AOPEP: variants seen among roughly 807,000 people sequenced by gnomAD.
AOPEP encodes aminopeptidase O (putative).
AOPEP carries 77 observed loss-of-function variants against 98.1 expected under a neutral mutation model. The observed-to-expected ratio is 0.78, with a 90% confidence interval of 0.65 to 0.95. The LOEUF (loss-of-function observed/expected upper bound fraction) is 0.95, where lower values mean the gene tolerates loss of function less well. AOPEP is among the 40% of genes least tolerant of loss of function. AOPEP has a pLI of 0.00. For missense variants in AOPEP, 1,024 were observed against 1,024.7 expected (o/e 1.00, Z 0.01); for synonymous variants, 346 against 365.3 (o/e 0.95, Z 0.60).
intron 5 of AOPEP, among the ~76,000 whole-genome samples, chr9:94,827,625 C>T (rs1475186681): frequency 2.0e-5 from 3 of 152,030 alleles, no homozygotes; most frequent in African/African-American, 7.3e-5. Context: ...AGGCTCCTAC[C>T]GCATGTTTTC....
chr9:94,796,643 A>G (rs555402424), intron 4 of AOPEP, among the ~76,000 whole-genome samples: 6 of 152,362 alleles, frequency 3.9e-5, no homozygotes, highest in African/African-American at 1.4e-4. Context: ...AAATTTGGCC[A>G]AAGTGTTGGT....
intron 5 of AOPEP, among the ~76,000 whole-genome samples, chr9:94,814,673 C>G (rs1473978456): frequency 3.9e-5 from 6 of 152,184 alleles, no homozygotes; most frequent in Admixed American, 3.9e-4. Context: ...AGGATTAGTC[C>G]TCTCAAGAGC....
chr9:94,861,179 C>T (rs1294814867), intron 5 of AOPEP, among the ~76,000 whole-genome samples: 1 of 152,086 alleles, frequency 6.6e-6, no homozygotes, highest in African/African-American at 2.4e-5. Flanking sequence ...CTGGCCAAGG[C>T]AAATTGTGGC....
At chr9:94,927,129 G>A (rs920266597) in intron 6 of AOPEP, among the ~76,000 whole-genome samples, 2 of 152,146 alleles carry the variant, frequency 1.3e-5, no homozygotes, top group African/African-American at 2.4e-5. Context: ...GCCACGAGCT[G>A]CTTTTTCTCT....
chr9:95,057,274 C>T (rs2066906946), intron 13 of AOPEP, among the ~76,000 whole-genome samples: 1 of 152,242 alleles, frequency 6.6e-6, no homozygotes, highest in South Asian at 2.1e-4. Context: ...GTCTTAAATT[C>T]AGCTGATCTT....
chr9:94,771,903 T>G (rs1194081520), intron 2 of AOPEP, among the ~76,000 whole-genome samples: 1 of 152,152 alleles, frequency 6.6e-6, no homozygotes, highest in Non-Finnish European at 1.5e-5. Flanking sequence ...CTTCTATCAT[T>G]TAAACTCATT....
the AOPEP span, among the ~76,000 whole-genome samples, chr9:95,098,539 G>A: frequency 2.0e-4 from 30 of 152,232 alleles, no homozygotes; most frequent in East Asian, 4.7e-3. Flanking sequence ...TCCCATAGCC[G>A]GAAGCATGGG....
chr9:94,830,324 A>G (rs140568726), intron 5 of AOPEP, among the ~76,000 whole-genome samples: 1,663 of 152,330 alleles, frequency 0.011, 34 homozygotes, highest in African/African-American at 0.038. Flanking sequence ...TGGTTTGCTG[A>G]TGATAATGGC....
At chr9:94,761,150 A>G (rs1838193233) in intron 2 of AOPEP, among the ~76,000 whole-genome samples, 1 of 152,188 alleles carries the variant, frequency 6.6e-6, no homozygotes, top group African/African-American at 2.4e-5. Flanking sequence ...TCTGAGCAGC[A>G]TAACAGTCCT....
intron 5 of AOPEP, among the ~76,000 whole-genome samples, chr9:94,827,647 T>C (rs1212977426): frequency 6.6e-6 from 1 of 152,184 alleles, no homozygotes; most frequent in Non-Finnish European, 1.5e-5. Flanking sequence ...GGGCTGGAAC[T>C]GTGGAGTGAT....
intron 16 of AOPEP, among the ~76,000 whole-genome samples, chr9:95,083,622 T>C (rs1381396820): frequency 7.5e-6 from 1 of 133,422 alleles, no homozygotes; most frequent in Non-Finnish European, 1.6e-5. Flanking sequence ...GCGCGCACAC[T>C]GCATGCAGCA....
intron 1 of AOPEP, among the ~76,000 whole-genome samples, chr9:94,736,581 T>G (rs1420812257): frequency 1.3e-5 from 2 of 152,228 alleles, no homozygotes; most frequent in African/African-American, 4.8e-5. Context: ...TTAGTTCTAA[T>G]AGAGTTTAAA....
chr9:95,096,007 A>C, the AOPEP span, among the ~76,000 whole-genome samples: 5 of 152,264 alleles, frequency 3.3e-5, no homozygotes, highest in Admixed American at 3.3e-4. Flanking sequence ...TATCTAAGTA[A>C]GTAATGCAGC....
At chr9:94,847,600 A>G (rs975620588) in intron 5 of AOPEP, among the ~76,000 whole-genome samples, 1 of 152,248 alleles carries the variant, frequency 6.6e-6, no homozygotes, top group Non-Finnish European at 1.5e-5. Context: ...AAGCAGAACT[A>G]TGTTAGCTGC....
chr9:94,861,824 G>A (rs1469463322), intron 5 of AOPEP, among the ~76,000 whole-genome samples: 2 of 152,150 alleles, frequency 1.3e-5, no homozygotes, highest in African/African-American at 2.4e-5. Context: ...TGCATGGGTC[G>A]GGTCCTCCGT....
intron 9 of AOPEP, among the ~76,000 whole-genome samples, chr9:94,959,427 G>C (rs2058677049): frequency 6.6e-6 from 1 of 152,004 alleles, no homozygotes; most frequent in African/African-American, 2.4e-5. Context: ...TAAAAAGACT[G>C]TTCTTTCCCT....
intron 1 of AOPEP, among the ~76,000 whole-genome samples, chr9:94,735,700 T>G (rs1225774149): frequency 6.6e-6 from 1 of 152,194 alleles, no homozygotes; most frequent in Non-Finnish European, 1.5e-5. Flanking sequence ...AAATTCACTC[T>G]TTAAAAGAAT....
At chr9:95,051,278 T>C (rs1190357436) in intron 13 of AOPEP, among the ~76,000 whole-genome samples, 2 of 151,862 alleles carry the variant, frequency 1.3e-5, no homozygotes, top group East Asian at 3.9e-4. Flanking sequence ...TTAGTAGAGA[T>C]GGCGTTTCAC....
chr9:94,944,519 C>G (rs1233962256), intron 7 of AOPEP, among the ~76,000 whole-genome samples: 2 of 152,218 alleles, frequency 1.3e-5, no homozygotes, highest in Non-Finnish European at 2.9e-5. Flanking sequence ...TTTATGTGAA[C>G]TGTCCACAAT....
Sources: allele counts gnomAD v4.1 joint callset (sites outside exome capture counted in the v4.1 genomes callset), GRCh38; gene constraint gnomAD v4.1.1; transcripts MANE v1.5; gene names NCBI Gene and HGNC (gene_info 2026-07-23, HGNC 2026-07-21).